ACSL4: variants seen among roughly 807,000 people sequenced by gnomAD.
ACSL4 encodes acyl-CoA synthetase long chain family member 4.
A neutral mutation model predicts 49.1 loss-of-function variants in ACSL4; 9 were observed. The ratio of observed to expected loss-of-function variants is 0.18; its 90% confidence interval spans 0.11 to 0.32. The LOEUF is 0.32. Among genes scored for constraint, ACSL4 ranks in the 10% least tolerant of loss-of-function variants. ACSL4 has a pLI of 1.00. For missense variants in ACSL4, 333 were observed against 493.7 expected, an observed-to-expected ratio of 0.67 and a Z score of 3.08; for synonymous variants, 191 against 170.3, an observed-to-expected ratio of 1.12 and a Z score of -0.95.
Position 109,705,765 on chromosome X carries a change from T to G in ACSL4, c.-65-9569A>C, listed in dbSNP as rs189237669. On this transcript the variant is annotated intron_variant, in intron 1 of 15. Transcript: ENST00000672401. Reference sequence around the variant, plus strand: ...CAGGCTGGAGTGCAATGGCACGATCTTGGCTCACCACAACCTCCACCTCCC... The same window carrying G: ...CAGGCTGGAGTGCAATGGCACGATCGTGGCTCACCACAACCTCCACCTCCC... Among the ~76,000 whole-genome samples the G allele has an allele frequency of 7.9e-3, 886 of 112,841 alleles. 10 individuals carry two copies. The highest frequency in any genetic ancestry group is 0.025 in the African/African-American group (788 of 31,051).
chrX:109,675,560 C>T (rs1923608370), intron 8 of ACSL4, among the ~76,000 whole-genome samples: 1 of 111,698 alleles, frequency 9.0e-6, no homozygotes, highest in African/African-American at 3.3e-5. Context: ...GCCTAAGAGA[C>T]AGCAAGAATT....
At chrX:109,699,269 C>T (rs985621008) in intron 1 of ACSL4, among the ~76,000 whole-genome samples, 7 of 111,616 alleles carry the variant, frequency 6.3e-5, no homozygotes, top group African/African-American at 9.8e-5. Flanking sequence ...GGGGAGGCTG[C>T]GGCAGGAGAA....
At chrX:109,669,784 T>C (rs921669840) in intron 9 of ACSL4, among the ~76,000 whole-genome samples, 8 of 112,701 alleles carry the variant, frequency 7.1e-5, no homozygotes, top group African/African-American at 2.3e-4. Flanking sequence ...TTACAATATA[T>C]TCACTTATTC....
At chrX:109,644,999 C>A (rs769732203) in intron 15 of ACSL4, among the ~76,000 whole-genome samples, 2 of 112,982 alleles carry the variant, frequency 1.8e-5, no homozygotes, top group Admixed American at 1.9e-4. Flanking sequence ...GATTATAGCC[C>A]GCACCTGGCT....
chrX:109,644,828 A>G (rs765782524), intron 15 of ACSL4, among the ~76,000 whole-genome samples: 45 of 112,060 alleles, frequency 4.0e-4, no homozygotes, highest in East Asian at 3.2e-3. Flanking sequence ...TGTGCGCACC[A>G]TGCGCGAGCC....
At chrX:109,707,707 A>C (rs1365841338) in intron 1 of ACSL4, among the ~76,000 whole-genome samples, 1 of 111,741 alleles carries the variant, frequency 8.9e-6, no homozygotes, top group Non-Finnish European at 1.9e-5. Context: ...TAACAGAAAA[A>C]AAAAATAGGA....
At chrX:109,719,687 T>G (rs1927396407) in intron 1 of ACSL4, among the ~76,000 whole-genome samples, 1 of 112,347 alleles carries the variant, frequency 8.9e-6, no homozygotes, top group African/African-American at 3.2e-5. Context: ...GAATGTTTCC[T>G]TTAAAAAGCT....
Position 109,643,985 on chromosome X carries a change from C to T in ACSL4, c.*44G>A, listed in dbSNP as rs1251302994. 1.1e-5 allele frequency: 13 copies of T among 1,196,800 alleles called. No individual in the cohort carries two copies. The highest frequency in any genetic ancestry group is 1.5e-5 in the Non-Finnish European group (13 of 883,699). The stretch of plus-strand genomic sequence containing the variant: ...GCTTAAAATTCTAGAGGTTGAAAAC[C>T]ACCAGGCTACCTCCTGCACAACTGT... On this transcript the variant is annotated 3_prime_UTR_variant, in exon 16 of 16. Coordinates refer to ENST00000672401, the MANE Select transcript of ACSL4 (RefSeq NM_001318510.2).
chrX:109,703,452 A>C (rs1231684331), intron 1 of ACSL4, among the ~76,000 whole-genome samples: 1 of 111,556 alleles, frequency 9.0e-6, no homozygotes, highest in East Asian at 2.8e-4. Flanking sequence ...TGTGAGTCTA[A>C]AATTTATTTT....
At chrX:109,701,421 T>C (rs1254139247) in intron 1 of ACSL4, among the ~76,000 whole-genome samples, 1 of 110,536 alleles carries the variant, frequency 9.0e-6, no homozygotes, top group African/African-American at 3.3e-5. Context: ...TTCACCATAT[T>C]GGACAAGCTG....
At chrX:109,720,323 C>CA (rs1219271058) in intron 1 of ACSL4, among the ~76,000 whole-genome samples, 44 of 93,853 alleles carry the variant, frequency 4.7e-4, no homozygotes, top group East Asian at 4.1e-3. Context: ...GAGCGAGACT[C>CA]AAAAAAAAAA....
At chrX:109,700,339 G>A (rs1287971573) in intron 1 of ACSL4, among the ~76,000 whole-genome samples, 1 of 109,724 alleles carries the variant, frequency 9.1e-6, no homozygotes, top group Non-Finnish European at 1.9e-5. Flanking sequence ...AGACCAGCCT[G>A]GCCAACATGG....
intron 1 of ACSL4, among the ~76,000 whole-genome samples, chrX:109,726,939 A>C: frequency 9.3e-6 from 1 of 108,037 alleles, no homozygotes; most frequent in Non-Finnish European, 1.9e-5. Context: ...CTGGTCTCAA[A>C]CTCCTGGGCT....
At chrX:109,682,967 A>C (rs375801428) in intron 3 of ACSL4, 71 bp from the exon 4 acceptor site, 24 of 1,102,802 alleles carry the variant, frequency 2.2e-5, no homozygotes, top group African/African-American at 1.1e-4. Context: ...CAAAGCATAA[A>C]ACTCTAAAAA....
At chrX:109,710,388 T>C (rs951746460) in intron 1 of ACSL4, among the ~76,000 whole-genome samples, 1 of 112,401 alleles carries the variant, frequency 8.9e-6, no homozygotes, top group African/African-American at 3.2e-5. Context: ...AAGCACCAGC[T>C]GCACACCATT....
At chrX:109,731,013 G>T (rs897191693) in intron 1 of ACSL4, among the ~76,000 whole-genome samples, 3 of 110,934 alleles carry the variant, frequency 2.7e-5, no homozygotes, top group South Asian at 3.7e-4. Context: ...AAAATAGTGC[G>T]GTATAACACA....
chrX:109,645,592 G>A (rs1442367314), intron 15 of ACSL4, among the ~76,000 whole-genome samples: 1 of 112,011 alleles, frequency 8.9e-6, no homozygotes, highest in African/African-American at 3.3e-5. Flanking sequence ...CAGAGAAACT[G>A]GAAACTCTAA....
intron 6 of ACSL4, among the ~76,000 whole-genome samples, chrX:109,678,658 T>C (rs1789517086): frequency 9.0e-6 from 1 of 111,715 alleles, no homozygotes; most frequent in African/African-American, 3.3e-5. Context: ...GGCAAGACTC[T>C]GTCGCTACAA....
chrX:109,670,824 G>A (rs1201264329), intron 9 of ACSL4, among the ~76,000 whole-genome samples: 2 of 112,393 alleles, frequency 1.8e-5, no homozygotes, highest in African/African-American at 3.2e-5. Context: ...ACGGGGTTTC[G>A]CCATGCTGGC....
Sources: gnomAD v4.1 joint callset for allele counts (sites outside exome capture counted in the v4.1 genomes callset) on GRCh38, gnomAD v4.1.1 for gene constraint, MANE v1.5 for transcripts, NCBI Gene and HGNC (gene_info 2026-07-23, HGNC 2026-07-21) for gene names.